The following PARM1 variants were observed in gnomAD, a reference collection of about 807,000 sequenced individuals.
PARM1 encodes prostate androgen-regulated mucin-like protein 1, also known as WSC4, cell wall integrity and stress response component 4 homolog.
A neutral mutation model predicts 24.6 loss-of-function variants in PARM1; 14 were observed. The ratio of observed to expected loss-of-function variants is 0.57; its 90% CI spans 0.38 to 0.89. The LOEUF (loss-of-function observed/expected upper bound fraction) is 0.89. PARM1 is among the 40% of genes least tolerant of loss of function. The probability of loss-of-function intolerance (pLI) is 0.00; values close to 1 mark genes in which losing one functional copy is unlikely to be tolerated. For missense variants in PARM1, 362 were observed against 380.4 expected, an observed-to-expected ratio of 0.95 and a Z score of 0.40; for synonymous variants, 179 against 156.6, an observed-to-expected ratio of 1.14 and a Z score of -1.07.
At chr4:74,982,299 G>A (rs908124411) in intron 1 of PARM1, among the ~76,000 whole-genome samples, 7 of 152,066 alleles carry the variant, frequency 4.6e-5, no homozygotes, top group African/African-American at 1.4e-4. Flanking sequence ...TGTCAGGGTC[G>A]GGGGTGAAAG....
chr4:74,961,445 A>G (rs949090741), intron 1 of PARM1, among the ~76,000 whole-genome samples: 3 of 152,192 alleles, frequency 2.0e-5, no homozygotes, highest in African/African-American at 4.8e-5. Flanking sequence ...ATGAATATAA[A>G]CATTCAAGAA....
chr4:74,977,191 G>T (rs1722154912), intron 1 of PARM1, among the ~76,000 whole-genome samples: 1 of 152,160 alleles, frequency 6.6e-6, no homozygotes, highest in African/African-American at 2.4e-5. Context: ...CTAACCCAAT[G>T]CAAACAAGCT....
chr4:74,950,400 C>T (rs1335334803), intron 1 of PARM1, among the ~76,000 whole-genome samples: 1 of 152,146 alleles, frequency 6.6e-6, no homozygotes, highest in African/African-American at 2.4e-5. Context: ...CAATCTCCAC[C>T]TCTGTCTCAC....
At chr4:75,020,009 C>CAAAAAA (rs1161399344) in intron 2 of PARM1, among the ~76,000 whole-genome samples, 95 of 31,006 alleles carry the variant, frequency 3.1e-3, no homozygotes, top group East Asian at 7.8e-3. Flanking sequence ...GACTCCGTCT[C>CAAAAAA]AAAAAAAAAA....
At chr4:75,032,217 C>A (rs190541118) in intron 2 of PARM1, among the ~76,000 whole-genome samples, 1 of 152,310 alleles carries the variant, frequency 6.6e-6, no homozygotes, top group East Asian at 1.9e-4. Context: ...TATGATCAGT[C>A]TTTGCAGACA....
chr4:75,040,004 G>A (rs1348714998), intron 3 of PARM1, among the ~76,000 whole-genome samples: 7 of 152,124 alleles, frequency 4.6e-5, no homozygotes, highest in Non-Finnish European at 8.8e-5. Context: ...GTGCTTCCCT[G>A]TACTGCAATC....
At chr4:75,010,661 A>G (rs1007412731) in intron 1 of PARM1, among the ~76,000 whole-genome samples, 3 of 152,232 alleles carry the variant, frequency 2.0e-5, no homozygotes, top group African/African-American at 7.2e-5. Context: ...GAGATTACAT[A>G]GGGAAGCAAT....
chr4:74,973,732 G>T (rs1017381649), intron 1 of PARM1, among the ~76,000 whole-genome samples: 1 of 152,128 alleles, frequency 6.6e-6, no homozygotes, highest in African/African-American at 2.4e-5. Flanking sequence ...GATTCTGGCT[G>T]TCTCCTCTCT....
chr4:74,934,998 T>TTC (rs1721148953), intron 1 of PARM1, among the ~76,000 whole-genome samples: 1 of 126,184 alleles, frequency 7.9e-6, no homozygotes, highest in Admixed American at 7.8e-5. Flanking sequence ...TCTTTTTTCT[T>TTC]TTTTTTTTTT....
At chr4:75,004,906 T>C (rs976952242) in intron 1 of PARM1, among the ~76,000 whole-genome samples, 9 of 152,244 alleles carry the variant, frequency 5.9e-5, no homozygotes, top group African/African-American at 1.9e-4. Context: ...AGTTAAACAG[T>C]GTTGCATTCA....
chr4:75,049,948 C>T lies in PARM1; in HGVS notation c.*3701C>T, dbSNP rs890674200. 1.3e-5 allele frequency: 2 copies of T among 149,054 alleles called. No individual in the cohort carries two copies. Among genetic ancestry groups the T allele is most frequent in the South Asian group, 2.1e-4 (1 of 4,754 alleles). 9.2% of individuals were successfully genotyped at this position (149,054 alleles called of 1,614,324 possible). On this transcript the variant is annotated 3_prime_UTR_variant, in exon 4 of 4. Transcript: ENST00000307428. ...AGTTGATATTGGTAATAATGCTAAC[C>T]AAGAGATCAATGCCAGATTTTTCTC...
At chr4:75,003,608 GAC>G (rs1417322659) in intron 1 of PARM1, among the ~76,000 whole-genome samples, 2 of 152,154 alleles carry the variant, frequency 1.3e-5, no homozygotes, top group African/African-American at 4.8e-5. Flanking sequence ...TATCTTCTTA[GAC>G]ACAGTTTGAT....
At chr4:74,975,296 G>T (rs1722120546) in intron 1 of PARM1, among the ~76,000 whole-genome samples, 1 of 152,222 alleles carries the variant, frequency 6.6e-6, no homozygotes, top group African/African-American at 2.4e-5. Context: ...TGCAGTTAAT[G>T]AGAGTTTTGC....
intron 1 of PARM1, among the ~76,000 whole-genome samples, chr4:74,955,537 C>T (rs893410820): frequency 6.6e-6 from 1 of 152,182 alleles, no homozygotes; most frequent in Non-Finnish European, 1.5e-5. Context: ...CTTTGTGCCC[C>T]TAGTAAGGTT....
intron 2 of PARM1, among the ~76,000 whole-genome samples, chr4:75,032,112 T>C (rs1723287010): frequency 6.6e-6 from 1 of 152,196 alleles, no homozygotes; most frequent in African/African-American, 2.4e-5. Context: ...AGAGAATTAT[T>C]CTGGTAATTA....
intron 1 of PARM1, among the ~76,000 whole-genome samples, chr4:74,949,096 A>C (rs1249669724): frequency 6.6e-6 from 1 of 152,168 alleles, no homozygotes; most frequent in Non-Finnish European, 1.5e-5. Context: ...ATATTTGGGC[A>C]ATCATCATTA....
intron 3 of PARM1, among the ~76,000 whole-genome samples, chr4:75,039,909 C>G (rs980781102): frequency 6.6e-6 from 1 of 152,172 alleles, no homozygotes; most frequent in African/African-American, 2.4e-5. Context: ...TTCAAGTCGT[C>G]CAGCTCAAGA....
At chr4:74,935,689 A>G (rs1721167060) in intron 1 of PARM1, among the ~76,000 whole-genome samples, 1 of 152,206 alleles carries the variant, frequency 6.6e-6, no homozygotes, top group African/African-American at 2.4e-5. Flanking sequence ...GAACAGCATT[A>G]GGCAGGGGCC....
intron 2 of PARM1, 38 bp downstream of exon 2, chr4:75,013,188 A>C (rs1164947919): frequency 6.4e-7 from 1 of 1,565,860 alleles, no homozygotes; most frequent in South Asian, 1.2e-5. Context: ...TCTTTACTAC[A>C]CCCTCACATT....
Sources: allele counts gnomAD v4.1 joint callset (sites outside exome capture counted in the v4.1 genomes callset), GRCh38; gene constraint gnomAD v4.1.1; transcripts MANE v1.5; gene names NCBI Gene and HGNC (gene_info 2026-07-23, HGNC 2026-07-21).